Variants in UGT1A7 observed in about 807,000 individuals in gnomAD.
UGT1A7 encodes UDP glucuronosyltransferase family 1 member A7.
In UGT1A7, 33 loss-of-function variants were observed where a neutral mutation model predicts 45.6. That is an observed-to-expected ratio of 0.72 (90% confidence interval 0.55 to 0.97). The LOEUF (loss-of-function observed/expected upper bound fraction) is 0.97. Ranked by LOEUF, UGT1A7 falls within the 50% of genes least tolerant of loss-of-function variation. UGT1A7 has a pLI of 0.00. For missense variants in UGT1A7, 684 were observed against 666.2 expected (o/e 1.03, Z -0.29); for synonymous variants, 274 against 250.6 (o/e 1.09, Z -0.88).
rs1700546112 is a variant in UGT1A7 at position 233,772,763 on chromosome 2, C to T, written c.*204C>T. ...TAAAGATATTTGAATATGTATCGTGCCCCCTCTGGTGTCTTTGATCAGGAT... is the reference window on the plus strand; with the variant it reads ...TAAAGATATTTGAATATGTATCGTGTCCCCTCTGGTGTCTTTGATCAGGAT... On this transcript the variant is annotated 3_prime_UTR_variant, in exon 5 of 5. Transcript: ENST00000373426. 1 of 1,384,392 alleles carries T rather than the reference C, an allele frequency of 7.2e-7. No individual in the cohort carries two copies. Among genetic ancestry groups the T allele is most frequent in the South Asian group, 1.5e-5 (1 of 65,502 alleles). The allele number at this position is 1,384,392 out of a possible 1,614,324, so 85.8% of individuals were successfully genotyped here. A position where few individuals can be genotyped will look rare whatever the true frequency, so the allele number is the denominator to read the frequency against.
At chr2:233,693,140 G>C in intron 1 of UGT1A7, 1 of 1,614,230 alleles carries the variant, frequency 6.2e-7, no homozygotes, top group Non-Finnish European at 8.5e-7. Flanking sequence ...GAAGGATATA[G>C]TTGAGGTTCT....
At chr2:233,719,054 A>G (rs1258988641) in intron 1 of UGT1A7, 3 of 1,614,260 alleles carry the variant, frequency 1.9e-6, no homozygotes, top group Non-Finnish European at 2.5e-6. Flanking sequence ...TCACCCTGAC[A>G]GCCTATGCTG....
At chr2:233,745,976 A>AC in intron 1 of UGT1A7, among the ~76,000 whole-genome samples, 1 of 151,654 alleles carries the variant, frequency 6.6e-6, no homozygotes, top group Middle Eastern at 3.2e-3. Flanking sequence ...CTGAAATGGG[A>AC]CCATGACAGC....
At chr2:233,702,346 AT>A (rs1310993956) in intron 1 of UGT1A7, among the ~76,000 whole-genome samples, 1 of 152,068 alleles carries the variant, frequency 6.6e-6, no homozygotes, top group African/African-American at 2.4e-5. Context: ...ATTTGTTCTA[AT>A]AGTTTTTTTT....
At chr2:233,696,804 T>C (rs1332294764) in intron 1 of UGT1A7, among the ~76,000 whole-genome samples, 3 of 152,228 alleles carry the variant, frequency 2.0e-5, no homozygotes, top group East Asian at 1.9e-4. Context: ...GTTCCTTCTG[T>C]AGCCAGTTTA....
chr2:233,724,193 GC>G lies in UGT1A7; in HGVS notation c.855+41402del, dbSNP rs1291443847. Among the ~76,000 whole-genome samples, 375 of 129,962 alleles carry G rather than the reference GC, an allele frequency of 2.9e-3. 2 individuals are homozygous for G. Among genetic ancestry groups the G allele is most frequent in the African/African-American group, 0.011 (348 of 31,006 alleles). The allele number at this position is 129,962 out of a possible 152,430, so 85.3% of individuals were successfully genotyped here. ...CCCCATCTCCCTCCCGGACGGGGTG[GC>G]TGGCCGGGCTGAGGGGCTCCTCACT... On this transcript the variant is annotated intron_variant, in intron 1 of 4. Coordinates refer to ENST00000373426, the MANE Select transcript of UGT1A7 (RefSeq NM_019077.3).
At chr2:233,745,969 A>C (rs939174435) in intron 1 of UGT1A7, among the ~76,000 whole-genome samples, 8 of 151,718 alleles carry the variant, frequency 5.3e-5, no homozygotes, top group Non-Finnish European at 1.0e-4. Context: ...AGGGGCCCTG[A>C]AATGGGACCA....
chr2:233,713,311 T>G, intron 1 of UGT1A7: 1 of 1,614,252 alleles, frequency 6.2e-7, no homozygotes, highest in East Asian at 2.2e-5. Flanking sequence ...GAACATCTTC[T>G]GATGAAATTT....
At chr2:233,702,416 C>A (rs186724566) in intron 1 of UGT1A7, among the ~76,000 whole-genome samples, 2 of 152,028 alleles carry the variant, frequency 1.3e-5, no homozygotes, top group African/African-American at 4.8e-5. Context: ...ATAGAGATAG[C>A]GTTACTTCTT....
intron 1 of UGT1A7, among the ~76,000 whole-genome samples, chr2:233,731,847 G>C (rs1360054279): frequency 1.3e-4 from 20 of 152,190 alleles, no homozygotes; most frequent in Non-Finnish European, 7.3e-5. Flanking sequence ...CTAGGTCCTT[G>C]AGGAATCGCC....
chr2:233,764,221 A>G (rs1437910759), intron 1 of UGT1A7, among the ~76,000 whole-genome samples: 2 of 152,128 alleles, frequency 1.3e-5, no homozygotes, highest in African/African-American at 2.4e-5. Context: ...AAGGGAATCA[A>G]TGGTGGGGGA....
intron 1 of UGT1A7, chr2:233,743,737 C>T: frequency 7.3e-7 from 1 of 1,367,416 alleles, no homozygotes. Flanking sequence ...TATCGCGTTT[C>T]TTGGCGTCCG....
rs762488947 is a variant in UGT1A7, at chr2:233,772,318, C to T, written c.1352C>T (p.Pro451Leu). 5 of 1,614,112 alleles carry T rather than the reference C, an allele frequency of 3.1e-6. No homozygotes were observed. Among genetic ancestry groups the T allele is most frequent in the African/African-American group, 1.3e-5 (1 of 74,934 alleles). The change falls in exon 5 of 5, where the codon CCG (proline) becomes CTG (leucine). Residue 451 changes from proline to leucine, a missense_variant. Physicochemically the swap from Pro to Leu is moderately conservative, Grantham distance 98. Transcript: ENST00000373426. ...SSLHKDRPVE[P>L]LDLAVFWVEF... is the part of the protein sequence containing the mutation. ...CTTCACAAGGACCGCCCGGTGGAGC[C>T]GCTGGACCTGGCCGTGTTCTGGGTG...
chr2:233,698,322 C>G (rs913677756), intron 1 of UGT1A7, among the ~76,000 whole-genome samples: 4 of 152,104 alleles, frequency 2.6e-5, no homozygotes, highest in African/African-American at 9.7e-5. Flanking sequence ...ATGTCTGGAA[C>G]CAGATAGAGG....
chr2:233,695,904 T>G (rs1053532133), intron 1 of UGT1A7, among the ~76,000 whole-genome samples: 3 of 152,084 alleles, frequency 2.0e-5, no homozygotes, highest in Non-Finnish European at 4.4e-5. Context: ...TGTGTGGGGT[T>G]TTTTTTCTCC....
chr2:233,726,544 G>A (rs543814105), intron 1 of UGT1A7, among the ~76,000 whole-genome samples: 35 of 152,224 alleles, frequency 2.3e-4, no homozygotes, highest in Non-Finnish European at 4.0e-4. Flanking sequence ...GCAGTGCAGC[G>A]TCTTCAAGTC....
chr2:233,715,268 C>A (rs1400036159), intron 1 of UGT1A7, among the ~76,000 whole-genome samples: 1 of 152,186 alleles, frequency 6.6e-6, no homozygotes, highest in Non-Finnish European at 1.5e-5. Context: ...CCTTACATAA[C>A]AAATTCTCCT....
chr2:233,740,631 C>T (rs1198172888), intron 1 of UGT1A7: 3 of 151,760 alleles, frequency 2.0e-5, no homozygotes, highest in Admixed American at 2.0e-4. Flanking sequence ...CAGGGTCATG[C>T]CTTTCCTTGC....
Position 233,712,946 on chromosome 2 carries a change from G to C in UGT1A7, c.855+30154G>C, listed in dbSNP as rs541299523. The C allele has an allele frequency of 5.3e-5, 86 of 1,612,678 alleles. 1 individual carries two copies. In the South Asian group the frequency reaches 8.8e-4, roughly 16 times the overall value. On this transcript the variant is annotated intron_variant, in intron 1 of 4. Coordinates refer to ENST00000373426, the MANE Select transcript of UGT1A7 (RefSeq NM_019077.3). ...TAAGACGAAGGAAACAATTCTAGGA[G>C]GCACAACGTGGGGTGGACAGTCAGC...
Sources: allele counts gnomAD v4.1 joint callset (sites outside exome capture counted in the v4.1 genomes callset), GRCh38; gene constraint gnomAD v4.1.1; transcripts MANE v1.5; gene names NCBI Gene and HGNC (gene_info 2026-07-23, HGNC 2026-07-21).